The following ZCWPW2 variants were observed in gnomAD, a reference collection of about 807,000 sequenced individuals.
ZCWPW2 encodes the protein zinc finger CW-type and PWWP domain containing 2, also known as zinc finger CW-type PWWP domain protein 2.
In ZCWPW2, 45 loss-of-function variants were observed where a neutral mutation model predicts 46.6. The ratio of observed to expected loss-of-function variants is 0.96; its 90% CI spans 0.76 to 1.24. ZCWPW2 has a LOEUF of 1.24. ZCWPW2 is among the 50% of genes most tolerant of loss of function. The probability of loss-of-function intolerance (pLI) is 0.00; values close to 1 mark genes in which losing one functional copy is unlikely to be tolerated. For missense variants in ZCWPW2, 429 were observed against 403.9 expected, an observed-to-expected ratio of 1.06 and a Z score of -0.53; for synonymous variants, 152 against 137.1, an observed-to-expected ratio of 1.11 and a Z score of -0.76.
In ZCWPW2 at chr3:28,512,394, A is replaced by G. The variant is rs537150020; in HGVS notation, c.658-1670A>G. Reference sequence around the variant, plus strand: ...GAGACAGCGTTTTGCCATGTTGAGCAGGCTAGTCTCAAATTCCTCACCTCT... The same window carrying G: ...GAGACAGCGTTTTGCCATGTTGAGCGGGCTAGTCTCAAATTCCTCACCTCT... On this transcript the variant is annotated intron_variant, in intron 6 of 9. Transcript: ENST00000383768. Among the ~76,000 whole-genome samples the G allele has an allele frequency of 2.6e-5, 4 of 152,100 alleles. No homozygotes were observed. The East Asian group carries it at 7.7e-4, about 29-fold the overall frequency.
intron 1 of ZCWPW2, among the ~76,000 whole-genome samples, chr3:28,356,041 C>A (rs576694085): frequency 6.6e-6 from 1 of 152,318 alleles, no homozygotes; most frequent in East Asian, 1.9e-4. Context: ...GCAAAAGAAA[C>A]TACCATCACA....
At chr3:28,420,725 T>G (rs1325751565) in intron 3 of ZCWPW2, among the ~76,000 whole-genome samples, 2 of 152,104 alleles carry the variant, frequency 1.3e-5, no homozygotes, top group East Asian at 1.9e-4. Flanking sequence ...ATTTTTACCA[T>G]AACAACTTTA....
At chr3:28,414,407 G>A (rs1696554054) in intron 3 of ZCWPW2, among the ~76,000 whole-genome samples, 1 of 150,644 alleles carries the variant, frequency 6.6e-6, no homozygotes, top group Non-Finnish European at 1.5e-5. Flanking sequence ...AGGGAAACTC[G>A]TTTCATGGGG....
At chr3:28,462,804 T>C (rs1318824324) in intron 4 of ZCWPW2, among the ~76,000 whole-genome samples, 1 of 143,112 alleles carries the variant, frequency 7.0e-6, no homozygotes, top group East Asian at 2.0e-4. Flanking sequence ...ATTTTTTTCC[T>C]TGAATTTTGT....
intron 4 of ZCWPW2, among the ~76,000 whole-genome samples, chr3:28,441,322 T>C (rs1290245196): frequency 5.3e-5 from 8 of 152,160 alleles, no homozygotes; most frequent in Non-Finnish European, 1.2e-4. Context: ...TTCTTCCAAG[T>C]CCCTGACCAT....
rs1042474762 is a variant in ZCWPW2, at chr3:28,360,302, G to A, written c.-134+11099G>A. 8.6e-5 allele frequency among the ~76,000 whole-genome samples: 12 copies of A among 140,012 alleles called. No individual in the cohort carries two copies. In the South Asian group the frequency reaches 2.7e-3, roughly 31 times the overall value. The allele number at this position is 140,012 out of a possible 152,430, so 91.9% of individuals were successfully genotyped here. On this transcript the variant is annotated intron_variant, in intron 1 of 9. Transcript: ENST00000383768. ...AGGTGGATCACGAGATCAGAAGATCGAGACCATCCTGGCTAACTCGGTGAA... is the reference window on the plus strand; with the variant it reads ...AGGTGGATCACGAGATCAGAAGATCAAGACCATCCTGGCTAACTCGGTGAA...
chr3:28,502,055 C>T (rs891042187), intron 6 of ZCWPW2, among the ~76,000 whole-genome samples: 1 of 152,040 alleles, frequency 6.6e-6, no homozygotes, highest in African/African-American at 2.4e-5. Context: ...TTTCATTTGC[C>T]CTATGCTCAA....
intron 3 of ZCWPW2, among the ~76,000 whole-genome samples, chr3:28,424,244 C>T (rs1222556841): frequency 2.6e-5 from 4 of 151,496 alleles, no homozygotes; most frequent in Admixed American, 1.3e-4. Flanking sequence ...CACACACACA[C>T]ACACACACAC....
At chr3:28,431,266 A>T (rs2125759085) in intron 3 of ZCWPW2, among the ~76,000 whole-genome samples, 1 of 152,268 alleles carries the variant, frequency 6.6e-6, no homozygotes, top group South Asian at 2.1e-4. Context: ...AATATCTTAT[A>T]TATATATGAT....
intron 6 of ZCWPW2, among the ~76,000 whole-genome samples, chr3:28,505,652 G>A (rs981178077): frequency 1.1e-4 from 16 of 152,240 alleles, no homozygotes; most frequent in African/African-American, 3.8e-4. Flanking sequence ...AAAGGGAAAT[G>A]AGGATATTGG....
intron 2 of ZCWPW2, among the ~76,000 whole-genome samples, chr3:28,393,528 C>CA (rs1559486026): frequency 6.6e-6 from 1 of 151,888 alleles, no homozygotes. Context: ...AACGTAGACG[C>CA]AAAAATCCTC....
At position 28,515,598 on chromosome 3, in the gene ZCWPW2, A is replaced by G. The variant is rs754528438; in HGVS notation, c.761A>G (p.Asp254Gly). Reference protein sequence around the residue: ...KCSFENVYSDDALSKENRVVC... With the variant: ...KCSFENVYSDGALSKENRVVC... Reference sequence around the variant, plus strand: ...TCTTTTGAAAATGTTTATTCTGATGATGCCTTATCAAAGGAGAACAGGGGT... The same window carrying G: ...TCTTTTGAAAATGTTTATTCTGATGGTGCCTTATCAAAGGAGAACAGGGGT... Residue 254 changes from aspartate (D) to glycine (G), a missense_variant, in exon 8 of 10, where the codon GAT (aspartate) becomes GGT (glycine). Coordinates refer to ENST00000383768, the MANE Select transcript of ZCWPW2 (RefSeq NM_001040432.4). 24 of 1,606,292 alleles carry G rather than the reference A, an allele frequency of 1.5e-5. No individual in the cohort carries two copies. The highest frequency in any genetic ancestry group is 2.0e-5 in the Non-Finnish European group (24 of 1,179,330).
rs1323730085 is a variant in ZCWPW2 at position 28,403,803 on chromosome 3, CTT to C, written c.-13-9250_-13-9249del. Among the ~76,000 whole-genome samples the C allele has an allele frequency of 2.0e-5, 3 of 152,280 alleles. No homozygotes were observed. The East Asian group carries it at 5.8e-4, about 29-fold the overall frequency. On this transcript the variant is annotated intron_variant, in intron 2 of 9. Coordinates refer to ENST00000383768, the MANE Select transcript of ZCWPW2 (RefSeq NM_001040432.4). ...AAACATAAAGTGAGGAAAGGACACTCTTTTCAACAAATGGTGCTGGGATAATT... is the reference window on the plus strand; with the variant it reads ...AAACATAAAGTGAGGAAAGGACACTCTTCAACAAATGGTGCTGGGATAATT...
intron 3 of ZCWPW2, among the ~76,000 whole-genome samples, chr3:28,428,899 C>G (rs565546212): frequency 6.6e-6 from 1 of 152,132 alleles, no homozygotes; most frequent in Non-Finnish European, 1.5e-5. Flanking sequence ...GCCTCCCCAA[C>G]CATGTGGAAC....
intron 1 of ZCWPW2, among the ~76,000 whole-genome samples, chr3:28,370,064 C>CT (rs1705268621): frequency 6.6e-6 from 1 of 152,172 alleles, no homozygotes; most frequent in Non-Finnish European, 1.5e-5. Flanking sequence ...TCACCCCTTT[C>CT]TTTGACTAGG....
chr3:28,396,932 C>T (rs1306539528), intron 2 of ZCWPW2, among the ~76,000 whole-genome samples: 1 of 152,046 alleles, frequency 6.6e-6, no homozygotes, highest in Non-Finnish European at 1.5e-5. Flanking sequence ...AGTTTGAGAC[C>T]AGCCTGGCCA....
intron 5 of ZCWPW2, among the ~76,000 whole-genome samples, chr3:28,483,055 T>G (rs1446823897): frequency 6.6e-6 from 1 of 152,204 alleles, no homozygotes; most frequent in Non-Finnish European, 1.5e-5. Context: ...TGGTGTTGTA[T>G]CTAAATGTTA....
intron 4 of ZCWPW2, among the ~76,000 whole-genome samples, chr3:28,457,251 A>G (rs1698461396): frequency 6.6e-6 from 1 of 152,192 alleles, no homozygotes; most frequent in Admixed American, 6.5e-5. Flanking sequence ...ATTCTGCATC[A>G]CATATTTAAC....
chr3:28,498,834 G>A (rs1472141957), intron 6 of ZCWPW2, among the ~76,000 whole-genome samples: 5 of 151,956 alleles, frequency 3.3e-5, no homozygotes, highest in Admixed American at 2.6e-4. Flanking sequence ...AGTGTGTGAT[G>A]TTCCCCTCCC....
Sources: gnomAD v4.1 joint callset for allele counts (sites outside exome capture counted in the v4.1 genomes callset) on GRCh38, gnomAD v4.1.1 for gene constraint, MANE v1.5 for transcripts, NCBI Gene and HGNC (gene_info 2026-07-23, HGNC 2026-07-21) for gene names.